SPAG16: variants seen among roughly 807,000 people sequenced by gnomAD.
SPAG16 encodes the protein sperm-associated antigen 16 protein.
A neutral mutation model predicts 80.4 loss-of-function variants in SPAG16; 86 were observed. The ratio of observed to expected loss-of-function variants is 1.07; its 90% CI spans 0.90 to 1.28. The LOEUF (loss-of-function observed/expected upper bound fraction) is 1.28, where lower values mean the gene tolerates loss of function less well. Among genes scored for constraint, SPAG16 ranks in the 50% most tolerant of loss-of-function variants. The pLI is 0.00. For synonymous variants in SPAG16, 294 were observed against 265.9 expected (o/e 1.11, Z -1.03); for missense variants, 870 against 765.3 (o/e 1.14, Z -1.61).
chr2:213,478,060 GCACT>G (rs2073518697), intron 9 of SPAG16, among the ~76,000 whole-genome samples: 1 of 152,114 alleles, frequency 6.6e-6, no homozygotes, highest in African/African-American at 2.4e-5. Context: ...TCCCCTTCTT[GCACT>G]CACTCTGTCC....
At chr2:213,826,105 C>A (rs964436959) in intron 10 of SPAG16, among the ~76,000 whole-genome samples, 9 of 151,750 alleles carry the variant, frequency 5.9e-5, no homozygotes, top group African/African-American at 1.9e-4. Flanking sequence ...TGAAATAACT[C>A]TTTTTTCATC....
chr2:213,303,818 G>T (rs1183922505), intron 3 of SPAG16, among the ~76,000 whole-genome samples: 3 of 152,084 alleles, frequency 2.0e-5, no homozygotes, highest in Non-Finnish European at 2.9e-5. Context: ...CTTAGTTATT[G>T]TGAATAGTGC....
chr2:214,080,365 G>A (rs1458405565), intron 13 of SPAG16, among the ~76,000 whole-genome samples: 5 of 151,778 alleles, frequency 3.3e-5, no homozygotes, highest in African/African-American at 1.2e-4. Context: ...TTGGGAGGCC[G>A]AGGCAGGCGG....
intron 9 of SPAG16, among the ~76,000 whole-genome samples, chr2:213,392,143 G>C (rs1223694448): frequency 6.6e-6 from 1 of 152,126 alleles, no homozygotes; most frequent in Non-Finnish European, 1.5e-5. Flanking sequence ...AGGAGAGAAA[G>C]GTTTCCTCTA....
At chr2:214,377,257 A>G (rs1203187841) in intron 15 of SPAG16, among the ~76,000 whole-genome samples, 1 of 152,206 alleles carries the variant, frequency 6.6e-6, no homozygotes, top group East Asian at 1.9e-4. Flanking sequence ...TTTCTGCAAT[A>G]TCGTAAACCT....
At chr2:213,293,942 T>C (rs1001873569) in intron 1 of SPAG16, among the ~76,000 whole-genome samples, 1 of 152,146 alleles carries the variant, frequency 6.6e-6, no homozygotes, top group Non-Finnish European at 1.5e-5. Context: ...GGTGAGAATA[T>C]TTAAGATCTA....
intron 15 of SPAG16, among the ~76,000 whole-genome samples, chr2:214,177,580 C>T (rs6761285): frequency 0.3 from 44,819 of 150,080 alleles, 8,352 homozygotes; most frequent in Non-Finnish European, 0.41. Context: ...ATTTTTTAGG[C>T]GAAATAAATT....
chr2:214,159,742 C>T (rs1377529832), intron 15 of SPAG16, among the ~76,000 whole-genome samples: 1 of 151,876 alleles, frequency 6.6e-6, no homozygotes, highest in East Asian at 1.9e-4. Context: ...TCCTACCATG[C>T]ACTCTATCAC....
rs71063764 is a variant in SPAG16 at position 213,643,767 on chromosome 2, C to CT, written c.1070+153706dup. On this transcript the variant is annotated intron_variant, in intron 10 of 15. Coordinates refer to ENST00000331683, the MANE Select transcript of SPAG16 (RefSeq NM_024532.5). ...TAGCCTGTCTTCAAGCTCACTACTT[C>CT]TTTTTTTTTTTTTTTTTTTTTTTTT... is the stretch of plus-strand genomic sequence containing the variant. Among the ~76,000 whole-genome samples the CT allele has an allele frequency of 7.5e-3, 390 of 52,034 alleles. 86 individuals are homozygous for CT. The highest frequency in any genetic ancestry group is 8.8e-3 in the African/African-American group (103 of 11,722). 34.1% of individuals were successfully genotyped at this position (52,034 alleles called of 152,430 possible).
rs142580936 is a variant in SPAG16, at chr2:213,477,561, T to C, written c.943-12402T>C. Reference sequence around the variant, plus strand: ...GAGATGATTTTGGAACTTTAAGGTTTAATGACTGCCCTGTTGGAGATCAGA... The same window carrying C: ...GAGATGATTTTGGAACTTTAAGGTTCAATGACTGCCCTGTTGGAGATCAGA... On this transcript the variant is annotated intron_variant, in intron 9 of 15. Transcript: ENST00000331683. Among the ~76,000 whole-genome samples the C allele has an allele frequency of 8.6e-3, 1,317 of 152,354 alleles. 18 individuals carry two copies. Among genetic ancestry groups the C allele is most frequent in the African/African-American group, 0.03 (1,229 of 41,586 alleles).
At chr2:213,412,624 ATT>A (rs112769349) in intron 9 of SPAG16, among the ~76,000 whole-genome samples, 3,612 of 147,648 alleles carry the variant, frequency 0.024, 59 homozygotes, top group African/African-American at 0.043. Context: ...TTGTTTGTTT[ATT>A]TTTTTTTGTT....
At chr2:213,773,875 T>C (rs901836674) in intron 10 of SPAG16, among the ~76,000 whole-genome samples, 2 of 152,292 alleles carry the variant, frequency 1.3e-5, no homozygotes, top group African/African-American at 2.4e-5. Flanking sequence ...TCTATTGACC[T>C]CTCTTCAAGA....
intron 12 of SPAG16, among the ~76,000 whole-genome samples, chr2:213,933,726 G>C (rs1012820861): frequency 1.3e-5 from 2 of 152,166 alleles, no homozygotes; most frequent in African/African-American, 4.8e-5. Context: ...TAAATCTGTG[G>C]CCCTTATTTC....
At chr2:214,073,976 T>A (rs2050937159) in intron 13 of SPAG16, among the ~76,000 whole-genome samples, 1 of 152,196 alleles carries the variant, frequency 6.6e-6, no homozygotes, top group Admixed American at 6.5e-5. Flanking sequence ...ATTGATATGT[T>A]GAAATCCTAA....
chr2:214,029,224 C>T (rs1385839830), intron 13 of SPAG16, among the ~76,000 whole-genome samples: 3 of 151,852 alleles, frequency 2.0e-5, no homozygotes, highest in Non-Finnish European at 4.4e-5. Flanking sequence ...TACAAAAACT[C>T]AGGAGTAGTA....
chr2:214,201,842 T>G (rs1181022452), intron 15 of SPAG16, among the ~76,000 whole-genome samples: 2 of 152,082 alleles, frequency 1.3e-5, no homozygotes, highest in Non-Finnish European at 2.9e-5. Flanking sequence ...TCCTTTCCTT[T>G]TATTTATTTA....
chr2:214,137,356 A>G (rs2055114287), intron 14 of SPAG16, among the ~76,000 whole-genome samples: 1 of 152,066 alleles, frequency 6.6e-6, no homozygotes, highest in Admixed American at 6.6e-5. Context: ...ATGTTATCTA[A>G]TGACATATAT....
chr2:213,983,563 A>T (rs1472054976), intron 12 of SPAG16, among the ~76,000 whole-genome samples: 1 of 152,028 alleles, frequency 6.6e-6, no homozygotes, highest in East Asian at 1.9e-4. Flanking sequence ...TTGTGATGGT[A>T]CTTTGAAAGG....
intron 10 of SPAG16, among the ~76,000 whole-genome samples, chr2:213,529,781 C>A (rs2113473): frequency 0.27 from 40,690 of 152,118 alleles, 6,329 homozygotes; most frequent in Middle Eastern, 0.43. Flanking sequence ...GTGCAGATCA[C>A]TTCCCATGAA....
Sources: gnomAD v4.1 joint callset for allele counts (sites outside exome capture counted in the v4.1 genomes callset) on GRCh38, gnomAD v4.1.1 for gene constraint, MANE v1.5 for transcripts, NCBI Gene and HGNC (gene_info 2026-07-23, HGNC 2026-07-21) for gene names.